Variants in CLN8 observed in about 807,000 individuals in gnomAD.
CLN8 encodes the protein protein CLN8.
Under a neutral mutation model 15.7 loss-of-function variants are expected in CLN8, and 14 were observed. That is an observed-to-expected ratio of 0.89 (90% CI 0.59 to 1.39). CLN8 has a LOEUF of 1.39. Among genes scored for constraint, CLN8 ranks in the 40% most tolerant of loss-of-function variants. The probability of loss-of-function intolerance (pLI) is 0.00; values close to 1 mark genes in which losing one functional copy is unlikely to be tolerated. For missense variants in CLN8, 415 were observed against 364.0 expected (o/e 1.14, Z -1.14); for synonymous variants, 188 against 151.0 (o/e 1.25, Z -1.80).
intron 1 of CLN8, among the ~76,000 whole-genome samples, chr8:1,766,807 C>A (rs953249103): frequency 1.3e-5 from 2 of 152,204 alleles, no homozygotes; most frequent in African/African-American, 4.8e-5. Context: ...ACAGTGGGAA[C>A]CCCTGTGTCC....
In CLN8 at chr8:1,771,073, G is replaced by T. The variant is rs764099428; in HGVS notation, c.19G>T (p.Gly7Trp). 1 of 1,614,012 alleles carries T rather than the reference G, an allele frequency of 6.2e-7. No homozygotes were observed. The highest frequency in any genetic ancestry group is 2.2e-5 in the East Asian group (1 of 44,834). Residue 7 changes from glycine to tryptophan, a missense_variant, in exon 2 of 3, where the codon GGG (glycine) becomes TGG (tryptophan). Gly to Trp is a radical substitution (Grantham distance 184). Coordinates refer to ENST00000331222, the MANE Select transcript of CLN8 (RefSeq NM_018941.4). MNPASDGGTSESIFDLD... is the reference protein window; with the variant it reads MNPASDWGTSESIFDLD... The stretch of plus-strand genomic sequence containing the variant: ...GTGGACAATGAATCCTGCGAGCGAT[G>T]GGGGCACATCAGAGAGCATTTTTGA...
upstream of CLN8, among the ~76,000 whole-genome samples, chr8:1,753,681 C>G (rs1169938413): frequency 2.0e-5 from 3 of 150,874 alleles, no homozygotes; most frequent in Non-Finnish European, 4.4e-5. Flanking sequence ...GTCAGGAGAT[C>G]GAGACCATCC....
chr8:1,753,603 C>T (rs1408433252), upstream of CLN8, among the ~76,000 whole-genome samples: 2 of 114,744 alleles, frequency 1.7e-5, no homozygotes, highest in African/African-American at 3.2e-5. Flanking sequence ...AAAGAAAAAA[C>T]AGGCTGGGTG....
In CLN8 at chr8:1,771,015, G is replaced by T. The variant is rs370711548; in HGVS notation, c.-40G>T. The T allele has an allele frequency of 6.2e-6, 10 of 1,605,780 alleles. No individual in the cohort carries two copies. The East Asian group carries it at 1.6e-4, about 25-fold the overall frequency. On this transcript the variant is annotated 5_prime_UTR_variant, in exon 2 of 3. Transcript: ENST00000331222. ...CAAGACACAGTGTAGGGCCCGGCCC[G>T]TGTTGGCCCCAGGACTCCTTTGGAA...
chr8:1,777,808 G>T (rs1801575259), intron 2 of CLN8, among the ~76,000 whole-genome samples: 1 of 152,188 alleles, frequency 6.6e-6, no homozygotes, highest in Non-Finnish European at 1.5e-5. Context: ...CCTCCTGAAA[G>T]ACCTGCCTGG....
intron 1 of CLN8, among the ~76,000 whole-genome samples, chr8:1,756,973 A>C (rs1800685996): frequency 6.6e-6 from 1 of 152,084 alleles, no homozygotes; most frequent in South Asian, 2.1e-4. Flanking sequence ...ATGAGCCACC[A>C]TGCCTGGCCT....
At chr8:1,767,761 C>T (rs1288266386) in intron 1 of CLN8, among the ~76,000 whole-genome samples, 2 of 151,068 alleles carry the variant, frequency 1.3e-5, no homozygotes, top group African/African-American at 4.9e-5. Context: ...CTAATAGAGT[C>T]GAGGTTTGAC....
At position 1,770,915 on chromosome 8, in the gene CLN8, A is replaced by C. The variant is rs1040664086; in HGVS notation, c.-123-17A>C. ...GTTTCTATCGAGTCAACACAAAATGAATGATCTTTCTTTTAGATTGAAGAT... is the reference window on the plus strand; with the variant it reads ...GTTTCTATCGAGTCAACACAAAATGCATGATCTTTCTTTTAGATTGAAGAT... On this transcript the variant is annotated splice_polypyrimidine_tract_variant and intron_variant, in intron 1 of 2. Coordinates refer to ENST00000331222, the MANE Select transcript of CLN8 (RefSeq NM_018941.4). 1.2e-5 allele frequency: 9 copies of C among 767,964 alleles called. No homozygotes were observed. The highest frequency in any genetic ancestry group is 1.0e-4 in the Admixed American group (5 of 48,010). The allele number at this position is 767,964 out of a possible 1,614,324, so 47.6% of individuals were successfully genotyped here. A position where few individuals can be genotyped will look rare whatever the true frequency, so the allele number is the denominator to read the frequency against.
Position 1,780,353 on chromosome 8 carries a change from T to C in CLN8, c.647T>C (p.Phe216Ser). ...VLTYHMWWVC[F>S]WHWDGLVSSL... ...ACCTACCACATGTGGTGGGTGTGTT[T>C]CTGGCACTGGGACGGCCTGGTCAGC... Residue 216 changes from phenylalanine (F) to serine (S), a missense_variant, in exon 3 of 3, where the codon TTC becomes TCC. Physicochemically the swap from Phe to Ser is radical, Grantham distance 155. Transcript: ENST00000331222. 2 of 1,614,260 alleles carry C rather than the reference T, an allele frequency of 1.2e-6. No homozygotes were observed. Among genetic ancestry groups the C allele is most frequent in the Non-Finnish European group, 1.7e-6 (2 of 1,180,040 alleles).
chr8:1,780,582 G>T lies in CLN8; in HGVS notation c.*15G>T. 6.2e-7 allele frequency: 1 copy of T among 1,610,620 alleles called. No individual in the cohort carries two copies. The highest frequency in any genetic ancestry group is 8.5e-7 in the Non-Finnish European group (1 of 1,177,498). On this transcript the variant is annotated 3_prime_UTR_variant, in exon 3 of 3. Coordinates refer to ENST00000331222, the MANE Select transcript of CLN8 (RefSeq NM_018941.4). Reference sequence around the variant, plus strand: ...AGAGGCCATAGCTGCTCCAGCCGGGGCTCCGGGGCGGCAGCAGAGCTGGCA... The same window carrying T: ...AGAGGCCATAGCTGCTCCAGCCGGGTCTCCGGGGCGGCAGCAGAGCTGGCA...
upstream of CLN8, among the ~76,000 whole-genome samples, chr8:1,755,093 C>G (rs28534403): frequency 6.6e-6 from 1 of 152,138 alleles, no homozygotes; most frequent in Non-Finnish European, 1.5e-5. Flanking sequence ...CTATCAAGAC[C>G]TTCGTCATTC....
intron 1 of CLN8, among the ~76,000 whole-genome samples, chr8:1,770,186 C>A: frequency 6.6e-6 from 1 of 152,154 alleles, no homozygotes; most frequent in African/African-American, 2.4e-5. Context: ...GCATCTGGAG[C>A]AAATGGCCTT....
intron 2 of CLN8, among the ~76,000 whole-genome samples, chr8:1,772,103 C>G (rs1335862496): frequency 6.6e-6 from 1 of 151,786 alleles, no homozygotes; most frequent in African/African-American, 2.4e-5. Context: ...ACCTGGCTAC[C>G]TTTTTTGTCT....
intron 1 of CLN8, among the ~76,000 whole-genome samples, chr8:1,767,834 G>A (rs1801129593): frequency 6.6e-6 from 1 of 152,062 alleles, no homozygotes; most frequent in African/African-American, 2.4e-5. Flanking sequence ...GCATCCCAAA[G>A]TGCTGGGATT....
At chr8:1,774,665 A>T (rs775308744) in intron 2 of CLN8, among the ~76,000 whole-genome samples, 4 of 152,114 alleles carry the variant, frequency 2.6e-5, no homozygotes, top group Non-Finnish European at 5.9e-5. Flanking sequence ...TTATCCACAG[A>T]CTCACTAGTT....
At chr8:1,758,503 G>A (rs975867691) in intron 1 of CLN8, 1 of 152,186 alleles carries the variant, frequency 6.6e-6, no homozygotes, top group Admixed American at 6.5e-5. Context: ...TAAGAAAAGG[G>A]CAAGACGATC....
rs1163804989 is a variant in CLN8 at position 1,785,908 on chromosome 8, C to T, written c.*5341C>T. The T allele has an allele frequency of 6.5e-6, 1 of 153,968 alleles. No individual in the cohort carries two copies. The highest frequency in any genetic ancestry group is 6.4e-5 in the Admixed American group (1 of 15,580). The allele number at this position is 153,968 out of a possible 1,614,324, so 9.5% of individuals were successfully genotyped here. A position where few individuals can be genotyped will look rare whatever the true frequency, so the allele number is the denominator to read the frequency against. Reference sequence around the variant, plus strand: ...GGGCAGCCCTCAGGGTCTCCAGACCCCAGCCCCACTCACACAGCAGCCTAG... The same window carrying T: ...GGGCAGCCCTCAGGGTCTCCAGACCTCAGCCCCACTCACACAGCAGCCTAG... On this transcript the variant is annotated 3_prime_UTR_variant, in exon 3 of 3. Coordinates refer to ENST00000331222, the MANE Select transcript of CLN8 (RefSeq NM_018941.4).
chr8:1,771,403 G>C lies in CLN8; in HGVS notation c.349G>C (p.Glu117Gln), dbSNP rs1022265592. ...ITTATGFFCF[E>Q]NVAVHLSNLI... Reference sequence around the variant, plus strand: ...GACAGCAACGGGATTCTTTTGCTTTGAAAATGTTGCAGTCCACCTGTCCAA... The same window carrying C: ...GACAGCAACGGGATTCTTTTGCTTTCAAAATGTTGCAGTCCACCTGTCCAA... The change falls in exon 2 of 3, where the codon GAA becomes CAA. Residue 117 changes from glutamate to glutamine, a missense_variant. Transcript: ENST00000331222. The C allele has an allele frequency of 1.9e-6, 3 of 1,614,200 alleles. No individual in the cohort carries two copies. Among genetic ancestry groups the C allele is most frequent in the Non-Finnish European group, 2.5e-6 (3 of 1,180,022 alleles).
At chr8:1,753,386 T>C (rs10095696), upstream of CLN8, among the ~76,000 whole-genome samples, 110,723 of 151,214 alleles carry the variant, frequency 0.73, 40,827 homozygotes, top group South Asian at 0.78. Flanking sequence ...GCCTGGCCAA[T>C]ACGGTGAAAA....
Sources: gnomAD v4.1 joint callset for allele counts (sites outside exome capture counted in the v4.1 genomes callset) on GRCh38, gnomAD v4.1.1 for gene constraint, MANE v1.5 for transcripts, NCBI Gene and HGNC (gene_info 2026-07-23, HGNC 2026-07-21) for gene names.